Variants in ACCSL observed in about 807,000 individuals in gnomAD.
ACCSL encodes probable inactive 1-aminocyclopropane-1-carboxylate synthase-like protein 2.
ACCSL carries 55 observed loss-of-function variants against 61.7 expected under a neutral mutation model. The observed-to-expected ratio is 0.89, with a 90% confidence interval of 0.72 to 1.12. The LOEUF (loss-of-function observed/expected upper bound fraction) is 1.12, where lower values mean the gene tolerates loss of function less well. Among genes scored for constraint, ACCSL ranks in the 50% most tolerant of loss-of-function variants. ACCSL has a pLI of 0.00. For missense variants in ACCSL, 632 were observed against 698.0 expected (o/e 0.91, Z 1.07); for synonymous variants, 258 against 264.3 (o/e 0.98, Z 0.23).
At chr11:43,998,800 C>T in the ACCSL span, among the ~76,000 whole-genome samples, 1 of 149,020 alleles carries the variant, frequency 6.7e-6, no homozygotes, top group Non-Finnish European at 1.5e-5. Flanking sequence ...CTCTCTGTTG[C>T]CCAGCCTAGA....
At chr11:44,054,354 G>A (rs1282645718) in intron 8 of ACCSL, among the ~76,000 whole-genome samples, 10 of 152,170 alleles carry the variant, frequency 6.6e-5, no homozygotes, top group Non-Finnish European at 1.2e-4. Flanking sequence ...GGCAAGAATT[G>A]GATAGAATGG....
At chr11:44,022,017 T>C in the ACCSL span, among the ~76,000 whole-genome samples, 1 of 152,224 alleles carries the variant, frequency 6.6e-6, no homozygotes, top group Admixed American at 6.5e-5. Context: ...TTGGTGACTA[T>C]AGCTTTATAG....
In ACCSL at chr11:44,055,238, G is replaced by A. The variant is rs540419265; in HGVS notation, c.1086G>A (p.Met362Ile). The A allele has an allele frequency of 1.7e-4, 280 of 1,612,582 alleles. 3 individuals are homozygous for A. The South Asian group carries it at 3.0e-3, about 17-fold the overall frequency. The part of the protein sequence containing the change: ...NLHVIIDEIY[M>I]LSVFDESITF... ...ATGTGATCATAGATGAGATTTACATGCTGTCTGTGTTTGATGAATCCATCA... is the reference window on the plus strand; with the variant it reads ...ATGTGATCATAGATGAGATTTACATACTGTCTGTGTTTGATGAATCCATCA... The change falls in exon 9 of 14, where the codon ATG becomes ATA. Residue 362 changes from methionine to isoleucine, a missense_variant. Physicochemically the swap from Met to Ile is conservative, Grantham distance 10. Coordinates refer to ENST00000378832, the MANE Select transcript of ACCSL (RefSeq NM_001031854.2).
Position 44,051,644 on chromosome 11 carries a change from T to G in ACCSL, c.706-9T>G, listed in dbSNP as rs761472834. ...GTTTTGACTTCTGCCTCTCATGTGT[T>G]GTCTTCAGGTGGTGGTTCTAAATGG... On this transcript the variant is annotated splice_polypyrimidine_tract_variant and intron_variant, in intron 4 of 13. Transcript: ENST00000378832. 2.8e-5 allele frequency: 46 copies of G among 1,614,038 alleles called. No homozygotes were observed. Among genetic ancestry groups the G allele is most frequent in the Non-Finnish European group, 3.4e-5 (40 of 1,180,020 alleles).
the ACCSL span, among the ~76,000 whole-genome samples, chr11:44,014,474 A>G: frequency 1.6e-5 from 2 of 128,168 alleles, no homozygotes; most frequent in Non-Finnish European, 3.3e-5. Flanking sequence ...GCTGGCAGAG[A>G]GAGATAGCCA....
At chr11:43,987,090 G>A in the ACCSL span, among the ~76,000 whole-genome samples, 140 of 149,948 alleles carry the variant, frequency 9.3e-4, 1 homozygote, top group South Asian at 5.7e-3. Context: ...CCCCACCCCC[G>A]AGTCTTCTTC....
At chr11:43,968,428 G>T in the ACCSL span, among the ~76,000 whole-genome samples, 1 of 148,166 alleles carries the variant, frequency 6.7e-6, no homozygotes, top group African/African-American at 2.5e-5. Flanking sequence ...TGAAACCTTT[G>T]CTTTTGCCCG....
chr11:44,056,259 C>G lies in ACCSL; in HGVS notation c.1260C>G (p.Ala420=). 6.2e-7 allele frequency: 1 copy of G among 1,614,222 alleles called. No homozygotes were observed. The highest frequency in any genetic ancestry group is 1.3e-5 in the African/African-American group (1 of 75,044). The change falls in exon 11 of 14, where the codon GCC becomes GCG. Residue 420 remains alanine (A), a synonymous_variant. Coordinates refer to ENST00000378832, the MANE Select transcript of ACCSL (RefSeq NM_001031854.2). ...AGGAGGTGGCCTCTGCTGTGAGTGC[C>G]TTTGGCTACCTCCACAGTATTTCTG... is the stretch of plus-strand genomic sequence containing the variant. ...HNKEVASAVS[A]FGYLHSISGI... is the part of the protein sequence containing the mutation.
At chr11:43,937,711 C>A in the ACCSL span, among the ~76,000 whole-genome samples, 1 of 151,990 alleles carries the variant, frequency 6.6e-6, no homozygotes, top group Non-Finnish European at 1.5e-5. Flanking sequence ...TCTCCCCTAG[C>A]TTCAGTGGCC....
the ACCSL span, among the ~76,000 whole-genome samples, chr11:43,997,212 G>A: frequency 1.5e-3 from 229 of 152,104 alleles, 1 homozygote; most frequent in Middle Eastern, 0.017. Context: ...TCTCGGAGGC[G>A]TGGACCAACA....
chr11:44,046,651 C>T (rs959245094), upstream of ACCSL, among the ~76,000 whole-genome samples: 6 of 151,846 alleles, frequency 4.0e-5, no homozygotes, highest in Admixed American at 1.3e-4. Flanking sequence ...AAAGAAGCAA[C>T]GAGGTTTTTT....
chr11:44,007,150 G>C, the ACCSL span, among the ~76,000 whole-genome samples: 1 of 152,236 alleles, frequency 6.6e-6, no homozygotes, highest in Admixed American at 6.5e-5. Context: ...CCTAGGGCCA[G>C]GGAGCTGCAG....
At chr11:43,992,447 G>T in the ACCSL span, among the ~76,000 whole-genome samples, 2 of 152,146 alleles carry the variant, frequency 1.3e-5, no homozygotes, top group Non-Finnish European at 2.9e-5. Context: ...GGCTCTTCCT[G>T]CCAGGTGTCC....
the ACCSL span, among the ~76,000 whole-genome samples, chr11:44,030,153 C>A: frequency 3.0e-5 from 4 of 135,580 alleles, no homozygotes; most frequent in African/African-American, 8.3e-5. Flanking sequence ...TCTTCCTGGT[C>A]TATCAATGTC....
chr11:44,056,257 G>A lies in ACCSL; in HGVS notation c.1258G>A (p.Ala420Thr), dbSNP rs900322127. 1.9e-6 allele frequency: 3 copies of A among 1,614,086 alleles called. No homozygotes were observed. The African/African-American group carries it at 4.0e-5, about 22-fold the overall frequency. Residue 420 changes from alanine (A) to threonine (T), a missense_variant, in exon 11 of 14, where the codon GCC (alanine) becomes ACC (threonine). Transcript: ENST00000378832. ...CAAGGAGGTGGCCTCTGCTGTGAGT[G>A]CCTTTGGCTACCTCCACAGTATTTC... ...HNKEVASAVSAFGYLHSISGI... is the reference protein window; with the variant it reads ...HNKEVASAVSTFGYLHSISGI...
At chr11:43,943,769 T>C in the ACCSL span, 1 of 1,304,056 alleles carries the variant, frequency 7.7e-7, no homozygotes, top group East Asian at 5.5e-5. The surrounding 1 kb of genome is among the most constrained non-coding windows in gnomAD (Gnocchi z 4.8). Flanking sequence ...GGAGGATTGA[T>C]ATTTATTTTT....
the ACCSL span, among the ~76,000 whole-genome samples, chr11:44,006,083 G>A: frequency 1.3e-5 from 2 of 152,204 alleles, no homozygotes; most frequent in African/African-American, 4.8e-5. Flanking sequence ...TTACTCTGTA[G>A]AGACTACTTC....
chr11:44,020,327 T>C, the ACCSL span, among the ~76,000 whole-genome samples: 1 of 152,216 alleles, frequency 6.6e-6, no homozygotes, highest in Non-Finnish European at 1.5e-5. Flanking sequence ...TTTATTTCTT[T>C]TTCTTACTTG....
intron 5 of ACCSL, among the ~76,000 whole-genome samples, chr11:44,052,350 G>A (rs778078778): frequency 6.6e-6 from 1 of 152,206 alleles, no homozygotes; most frequent in Non-Finnish European, 1.5e-5. Context: ...AGACTTTCCT[G>A]ATAACCATTG....
Sources: gnomAD v4.1 joint callset for allele counts (sites outside exome capture counted in the v4.1 genomes callset) on GRCh38, gnomAD v4.1.1 for gene constraint, Gnocchi (gnomAD v3.1) non-coding constraint, MANE v1.5 for transcripts, NCBI Gene and HGNC (gene_info 2026-07-23, HGNC 2026-07-21) for gene names.